The following QTMAN variants were observed in gnomAD, a reference collection of about 807,000 sequenced individuals.
QTMAN encodes tRNA-queuosine alpha-mannosyltransferase.
the QTMAN span, among the ~76,000 whole-genome samples, chr2:144,288,757 A>G: frequency 1.3e-5 from 2 of 152,204 alleles, no homozygotes; most frequent in African/African-American, 2.4e-5. Flanking sequence ...CTACTTGGCT[A>G]TTTCAATGTT....
At chr2:144,221,263 A>G in the QTMAN span, among the ~76,000 whole-genome samples, 3 of 152,228 alleles carry the variant, frequency 2.0e-5, no homozygotes, top group East Asian at 5.8e-4. Context: ...TGATTCAGCA[A>G]TACCACTTTT....
the QTMAN span, among the ~76,000 whole-genome samples, chr2:143,998,521 A>T: frequency 2.6e-5 from 4 of 152,148 alleles, no homozygotes; most frequent in East Asian, 1.9e-4. Flanking sequence ...AAAAAAAAAA[A>T]AATAAATGAA....
At chr2:144,177,513 T>C in the QTMAN span, among the ~76,000 whole-genome samples, 85 of 152,244 alleles carry the variant, frequency 5.6e-4, no homozygotes, top group East Asian at 0.016. Context: ...TACGAGGAGT[T>C]GGCATATGGT....
At chr2:144,303,229 C>T in the QTMAN span, among the ~76,000 whole-genome samples, 3 of 152,142 alleles carry the variant, frequency 2.0e-5, no homozygotes, top group Admixed American at 2.0e-4. Context: ...ACCAAAGAAA[C>T]AGAGGCTAGT....
chr2:144,013,995 C>CA, the QTMAN span, among the ~76,000 whole-genome samples: 1 of 152,122 alleles, frequency 6.6e-6, no homozygotes, highest in African/African-American at 2.4e-5. Flanking sequence ...CATGCGTACA[C>CA]AGACACCCCC....
the QTMAN span, among the ~76,000 whole-genome samples, chr2:144,162,171 T>G: frequency 6.6e-6 from 1 of 152,180 alleles, no homozygotes; most frequent in East Asian, 1.9e-4. Flanking sequence ...ACACGGTAAT[T>G]TGCCTTCAGG....
At chr2:144,024,481 G>A in the QTMAN span, among the ~76,000 whole-genome samples, 1 of 152,170 alleles carries the variant, frequency 6.6e-6, no homozygotes, top group Non-Finnish European at 1.5e-5. Context: ...TATTTAGGTG[G>A]TTTGCATATG....
the QTMAN span, among the ~76,000 whole-genome samples, chr2:144,097,821 T>C: frequency 6.6e-6 from 1 of 152,224 alleles, no homozygotes; most frequent in Non-Finnish European, 1.5e-5. Flanking sequence ...TTCAAATTTG[T>C]CTGTCTACCT....
chr2:144,092,870 G>GGTGT, the QTMAN span, among the ~76,000 whole-genome samples: 28,114 of 140,482 alleles, frequency 0.2, 2,863 homozygotes, highest in Middle Eastern at 0.3. Context: ...AAACTTTTGG[G>GGTGT]GTGTGTGTGT....
chr2:144,119,876 C>CAAAAAA, the QTMAN span, among the ~76,000 whole-genome samples: 6,426 of 151,100 alleles, frequency 0.043, 445 homozygotes, highest in African/African-American at 0.15. Context: ...CAAAACAAAA[C>CAAAAAA]AAAAAACAAA....
At chr2:143,985,453 C>T in the QTMAN span, among the ~76,000 whole-genome samples, 1 of 152,190 alleles carries the variant, frequency 6.6e-6, no homozygotes, top group Non-Finnish European at 1.5e-5. Flanking sequence ...AGTACATTGG[C>T]TGGTACAAGA....
chr2:144,255,203 G>A, the QTMAN span, among the ~76,000 whole-genome samples: 3 of 152,068 alleles, frequency 2.0e-5, no homozygotes, highest in African/African-American at 7.2e-5. Context: ...GATATGATTT[G>A]GCTGTATCCC....
At chr2:143,993,931 T>C in the QTMAN span, among the ~76,000 whole-genome samples, 2 of 152,190 alleles carry the variant, frequency 1.3e-5, no homozygotes, top group Non-Finnish European at 2.9e-5. Flanking sequence ...ATGTGTTTTA[T>C]TTTAGAAAAT....
At chr2:144,214,127 C>T in the QTMAN span, among the ~76,000 whole-genome samples, 1 of 143,496 alleles carries the variant, frequency 7.0e-6, no homozygotes, top group African/African-American at 2.4e-5. Flanking sequence ...ACCAGTGATT[C>T]CCCTAACAGA....
At chr2:144,055,358 C>G in the QTMAN span, among the ~76,000 whole-genome samples, 2 of 151,460 alleles carry the variant, frequency 1.3e-5, no homozygotes, top group Non-Finnish European at 2.9e-5. Flanking sequence ...CACACACACA[C>G]ACACACACAC....
chr2:144,107,791 G>C, the QTMAN span, among the ~76,000 whole-genome samples: 2,314 of 152,164 alleles, frequency 0.015, 30 homozygotes, highest in East Asian at 0.042. Flanking sequence ...GCCTGACAGA[G>C]ACACAACAAA....
the QTMAN span, among the ~76,000 whole-genome samples, chr2:143,972,813 T>C: frequency 6.6e-6 from 1 of 152,304 alleles, no homozygotes; most frequent in East Asian, 1.9e-4. Context: ...CATTTTATAC[T>C]AAAGTCCTTA....
At chr2:143,982,242 T>C in the QTMAN span, among the ~76,000 whole-genome samples, 3 of 151,958 alleles carry the variant, frequency 2.0e-5, no homozygotes, top group African/African-American at 7.2e-5. Flanking sequence ...TTCTCTTTTT[T>C]TTTTTGAGAC....
chr2:144,036,794 T>C, the QTMAN span, among the ~76,000 whole-genome samples: 2 of 152,192 alleles, frequency 1.3e-5, no homozygotes, highest in Non-Finnish European at 2.9e-5. Flanking sequence ...TCATTTCAAG[T>C]GCTTTTGCAA....
Sources: allele counts gnomAD v4.1 joint callset (sites outside exome capture counted in the v4.1 genomes callset), GRCh38; gene constraint gnomAD v4.1.1; transcripts MANE v1.5; gene names NCBI Gene and HGNC (gene_info 2026-07-23, HGNC 2026-07-21).